Variants in WWOX observed in about 807,000 individuals in gnomAD.
WWOX encodes WW domain containing oxidoreductase.
Under a neutral mutation model 46.2 loss-of-function variants are expected in WWOX, and 69 were observed. That is an observed-to-expected ratio of 1.49 (90% CI 1.23 to 1.82). The LOEUF is 1.82. WWOX is among the 40% of genes most tolerant of loss of function. The pLI, the probability that WWOX is intolerant of heterozygous loss-of-function variation, is 0.00. For missense variants in WWOX, 919 were observed against 542.6 expected (o/e 1.69, Z -6.89); for synonymous variants, 359 against 202.6 (o/e 1.77, Z -6.56).
At chr16:78,393,252 T>C (rs2082214075) in intron 6 of WWOX, among the ~76,000 whole-genome samples, 1 of 152,226 alleles carries the variant, frequency 6.6e-6, no homozygotes, top group Admixed American at 6.5e-5. Flanking sequence ...TTGCACATTT[T>C]CCTTCCTAGC....
chr16:78,756,696 A>G (rs981305546), intron 8 of WWOX, among the ~76,000 whole-genome samples: 8 of 152,194 alleles, frequency 5.3e-5, no homozygotes, highest in South Asian at 2.1e-4. Flanking sequence ...TTAAACTACC[A>G]TTAAGCAACT....
At chr16:79,017,638 T>C (rs2047444984) in intron 8 of WWOX, among the ~76,000 whole-genome samples, 1 of 152,054 alleles carries the variant, frequency 6.6e-6, no homozygotes, top group Non-Finnish European at 1.5e-5. Context: ...CATGGCCGTG[T>C]TCTGATAAAA....
chr16:78,859,401 CT>C (rs1406827701), intron 8 of WWOX, among the ~76,000 whole-genome samples: 9 of 152,106 alleles, frequency 5.9e-5, no homozygotes, highest in African/African-American at 2.2e-4. Context: ...CCTTGCAGTA[CT>C]TTTGGGAATC....
At chr16:78,801,183 T>G (rs1402618475) in intron 8 of WWOX, among the ~76,000 whole-genome samples, 1 of 151,978 alleles carries the variant, frequency 6.6e-6, no homozygotes, top group Non-Finnish European at 1.5e-5. Flanking sequence ...TCAAGTGGTT[T>G]CTACCTCATT....
At position 78,989,462 on chromosome 16, in the gene WWOX, C is replaced by T. The variant is rs575731632; in HGVS notation, c.1057-222146C>T. Among the ~76,000 whole-genome samples the T allele has an allele frequency of 2.6e-5, 4 of 152,320 alleles. No individual in the cohort carries two copies. In the East Asian group the frequency reaches 7.7e-4, roughly 29 times the overall value. On this transcript the variant is annotated intron_variant, in intron 8 of 8. Transcript: ENST00000566780. ...CAGGCATCCTGCCCATGCTGGCTTGCAGGCTGGGGATCCCTGTCCATAGCG... is the reference window on the plus strand; with the variant it reads ...CAGGCATCCTGCCCATGCTGGCTTGTAGGCTGGGGATCCCTGTCCATAGCG...
intron 8 of WWOX, among the ~76,000 whole-genome samples, chr16:78,755,570 AG>A (rs2049623520): frequency 6.6e-6 from 1 of 152,186 alleles, no homozygotes; most frequent in Non-Finnish European, 1.5e-5. Flanking sequence ...TTTAGTAAAT[AG>A]CCCTGCCCGA....
chr16:78,727,901 T>A (rs2048873730), intron 8 of WWOX, among the ~76,000 whole-genome samples: 1 of 152,098 alleles, frequency 6.6e-6, no homozygotes, highest in Admixed American at 6.6e-5. Context: ...GGACCCAAAA[T>A]AGCATTTGTT....
At chr16:78,660,836 T>C (rs1237163335) in intron 8 of WWOX, among the ~76,000 whole-genome samples, 1 of 152,216 alleles carries the variant, frequency 6.6e-6, no homozygotes, top group African/African-American at 2.4e-5. Flanking sequence ...ACTGAGACTA[T>C]TGGCTATGTT....
chr16:79,161,711 G>T (rs1405944076), intron 8 of WWOX, among the ~76,000 whole-genome samples: 1 of 152,114 alleles, frequency 6.6e-6, no homozygotes, highest in Non-Finnish European at 1.5e-5. Context: ...TAGAGATGGG[G>T]TTTCACCATG....
chr16:78,618,058 AT>A (rs1277713335), intron 8 of WWOX, among the ~76,000 whole-genome samples: 2 of 152,206 alleles, frequency 1.3e-5, no homozygotes, highest in African/African-American at 4.8e-5. Context: ...GTGTTCTTGA[AT>A]TAAATTTTCA....
chr16:78,689,952 G>A (rs550371631), intron 8 of WWOX, among the ~76,000 whole-genome samples: 1 of 151,964 alleles, frequency 6.6e-6, no homozygotes, highest in East Asian at 1.9e-4. Context: ...CCTCTGCCTC[G>A]CAGGCTCAAA....
chr16:79,161,152 C>A (rs1442232943), intron 8 of WWOX, among the ~76,000 whole-genome samples: 1 of 152,172 alleles, frequency 6.6e-6, no homozygotes, highest in Non-Finnish European at 1.5e-5. Flanking sequence ...ATTCTGGACT[C>A]ACTTCCAGGA....
chr16:78,269,180 T>C (rs1247701089), intron 5 of WWOX: 1 of 152,242 alleles, frequency 6.6e-6, no homozygotes, highest in East Asian at 1.9e-4. Flanking sequence ...CAAGTGGAAT[T>C]AAGAGCTTCA....
At chr16:78,289,395 TG>T (rs2079823386) in intron 5 of WWOX, among the ~76,000 whole-genome samples, 1 of 152,028 alleles carries the variant, frequency 6.6e-6, no homozygotes, top group African/African-American at 2.4e-5. Context: ...TCAGGAAAAG[TG>T]TACAGTTATC....
intron 8 of WWOX, among the ~76,000 whole-genome samples, chr16:78,821,762 T>C (rs1567583844): frequency 1.3e-5 from 2 of 152,160 alleles, no homozygotes; most frequent in African/African-American, 4.8e-5. Flanking sequence ...TTTGAGAAAA[T>C]GCAAAGTAAC....
chr16:78,618,140 C>A (rs2548848), intron 8 of WWOX, among the ~76,000 whole-genome samples: 1 of 151,984 alleles, frequency 6.6e-6, no homozygotes, highest in African/African-American at 2.4e-5. Context: ...GGCAGGAAAT[C>A]ACTCACTGAA....
chr16:78,303,566 T>C (rs891597437), intron 5 of WWOX, among the ~76,000 whole-genome samples: 11 of 152,164 alleles, frequency 7.2e-5, no homozygotes, highest in Non-Finnish European at 1.3e-4. Context: ...TTTTTTGAGA[T>C]GGTGTTTCGC....
chr16:78,725,578 C>T (rs935083875), intron 8 of WWOX, among the ~76,000 whole-genome samples: 6 of 151,000 alleles, frequency 4.0e-5, no homozygotes, highest in Non-Finnish European at 7.4e-5. Context: ...AAATCCTGAC[C>T]TCAGGCGATC....
In WWOX at chr16:78,422,115, TCTGC is replaced by T. The variant is rs2082948238; in HGVS notation, c.606-2753_606-2750del. Among the ~76,000 whole-genome samples the T allele has an allele frequency of 2.6e-5, 4 of 152,344 alleles. No individual in the cohort carries two copies. In the South Asian group the frequency reaches 8.3e-4, roughly 32 times the overall value. On this transcript the variant is annotated intron_variant, in intron 6 of 8. Transcript: ENST00000566780. Reference sequence around the variant, plus strand: ...ATCTACCTTTATAAAATTTCTAATGTCTGCCACTGTTTCTGTTAGACTCTTAAGA... The same window carrying T: ...ATCTACCTTTATAAAATTTCTAATGTCACTGTTTCTGTTAGACTCTTAAGA...
Sources: gnomAD v4.1 joint callset for allele counts (sites outside exome capture counted in the v4.1 genomes callset) on GRCh38, gnomAD v4.1.1 for gene constraint, MANE v1.5 for transcripts, NCBI Gene and HGNC (gene_info 2026-07-23, HGNC 2026-07-21) for gene names.